Variants in TRPS1 observed in about 807,000 individuals in gnomAD.
The protein encoded by TRPS1 is transcriptional repressor GATA binding 1, also known as zinc finger transcription factor Trps1.
A neutral mutation model predicts 101.2 loss-of-function variants in TRPS1; 6 were observed. The ratio of observed to expected loss-of-function variants is 0.06; its 90% CI spans 0.03 to 0.12. The LOEUF (loss-of-function observed/expected upper bound fraction) is 0.12. Ranked by LOEUF, TRPS1 falls within the 10% of genes least tolerant of loss-of-function variation. The probability of loss-of-function intolerance (pLI) is 1.00; values close to 1 mark genes in which losing one functional copy is unlikely to be tolerated. For synonymous variants in TRPS1, 578 were observed against 589.8 expected (o/e 0.98, Z 0.29); for missense variants, 1,363 against 1,567.0 (o/e 0.87, Z 2.20).
chr8:115,537,108 T>G (rs193175842), intron 5 of TRPS1, among the ~76,000 whole-genome samples: 171 of 152,218 alleles, frequency 1.1e-3, no homozygotes, highest in African/African-American at 3.9e-3. Context: ...TTGCTTTAAA[T>G]TTTTTATTAG....
rs545100840 is a variant in TRPS1 at position 115,502,443 on chromosome 8, G to C, written c.2701-83991C>G. On this transcript the variant is annotated intron_variant, in intron 5 of 6. Coordinates refer to ENST00000395715, the MANE Select transcript of TRPS1 (RefSeq NM_014112.5). ...TGATGCAGGATCCAGGCAAACATAG[G>C]GTTATGAAAAGAGAAGCTACCAGTA... Among the ~76,000 whole-genome samples, 239 of 152,180 alleles carry C rather than the reference G, an allele frequency of 1.6e-3. 2 individuals carry two copies. The highest frequency in any genetic ancestry group is 2.7e-3 in the Non-Finnish European group (183 of 68,012).
intron 5 of TRPS1, among the ~76,000 whole-genome samples, chr8:115,567,093 G>A (rs1817086277): frequency 6.6e-6 from 1 of 151,880 alleles, no homozygotes; most frequent in African/African-American, 2.4e-5. Flanking sequence ...TTACACCATA[G>A]AGAGGAAAGT....
chr8:115,424,846 T>C (rs546835922), intron 5 of TRPS1, among the ~76,000 whole-genome samples: 1 of 152,354 alleles, frequency 6.6e-6, no homozygotes, highest in East Asian at 1.9e-4. Context: ...CTGTCAGATA[T>C]GTAGTTGATA....
intron 5 of TRPS1, among the ~76,000 whole-genome samples, chr8:115,424,512 T>G (rs1473638494): frequency 6.6e-6 from 1 of 152,196 alleles, no homozygotes; most frequent in African/African-American, 2.4e-5. Context: ...CAGTGGAATC[T>G]TCTAAAAACA....
At position 115,412,490 on chromosome 8, in the gene TRPS1, A is replaced by G. The variant is rs941480812; in HGVS notation, c.*1533T>C. On this transcript the variant is annotated 3_prime_UTR_variant, in exon 7 of 7. Coordinates refer to ENST00000395715, the MANE Select transcript of TRPS1 (RefSeq NM_014112.5). ...ACACTGTAGAAAATAATTATTCAAT[A>G]TGTCAGGCACCATTATTTGAAATGT... 1 of 152,592 alleles carries G rather than the reference A, an allele frequency of 6.6e-6. No homozygotes were observed. Among genetic ancestry groups the G allele is most frequent in the Non-Finnish European group, 1.5e-5 (1 of 68,002 alleles). 9.5% of individuals were successfully genotyped at this position (152,592 alleles called of 1,614,324 possible). A position where few individuals can be genotyped will look rare whatever the true frequency, so the allele number is the denominator to read the frequency against.
At chr8:115,436,154 A>G (rs965450805) in intron 5 of TRPS1, among the ~76,000 whole-genome samples, 1 of 152,022 alleles carries the variant, frequency 6.6e-6, no homozygotes, top group Non-Finnish European at 1.5e-5. Context: ...AGAAAATACA[A>G]CTCACATTGT....
chr8:115,614,034 C>A (rs937021690), intron 3 of TRPS1, among the ~76,000 whole-genome samples: 2 of 152,152 alleles, frequency 1.3e-5, no homozygotes, highest in African/African-American at 4.8e-5. Context: ...TCAGACTCTA[C>A]AAAGGAAATC....
rs762205938 is a variant in TRPS1, at chr8:115,619,960, C to T, written c.138G>A (p.Lys46=). 3 of 1,614,050 alleles carry T rather than the reference C, an allele frequency of 1.9e-6. No homozygotes were observed. Among genetic ancestry groups the T allele is most frequent in the Non-Finnish European group, 2.5e-6 (3 of 1,180,042 alleles). The change falls in exon 3 of 7, where the codon AAG becomes AAA. Residue 46 remains lysine, a synonymous_variant. Coordinates refer to ENST00000395715, the MANE Select transcript of TRPS1 (RefSeq NM_014112.5). ...TCTGATCTGCAGAAAATTCTTTGTT[C>T]TTTCCAGATACCTTGCTTTCTGTAC... ...PIGTESKVSG[K]NKEFSADQMS... is the part of the protein sequence containing the mutation.
chr8:115,553,418 T>C (rs1039323864), intron 5 of TRPS1, among the ~76,000 whole-genome samples: 1 of 152,126 alleles, frequency 6.6e-6, no homozygotes, highest in Non-Finnish European at 1.5e-5. Context: ...TAGGTATATG[T>C]AAATCCTTCA....
chr8:115,624,367 C>T (rs1276431086), intron 1 of TRPS1, among the ~76,000 whole-genome samples: 1 of 151,884 alleles, frequency 6.6e-6, no homozygotes, highest in African/African-American at 2.4e-5. Flanking sequence ...CTCAAAATTG[C>T]TATTTTAAGT....
intron 5 of TRPS1, among the ~76,000 whole-genome samples, chr8:115,570,033 C>T (rs1017552246): frequency 3.9e-5 from 6 of 151,938 alleles, no homozygotes; most frequent in African/African-American, 1.5e-4. Flanking sequence ...CTCTAGATTC[C>T]TGTGTCACAA....
Position 115,509,696 on chromosome 8 carries a change from C to G in TRPS1, c.2700+77305G>C, listed in dbSNP as rs188459458. Reference sequence around the variant, plus strand: ...AGAGTTACAGAAAACAAATAAGGAACCCATTGACGTCCTAGTAGGCTGAGC... The same window carrying G: ...AGAGTTACAGAAAACAAATAAGGAAGCCATTGACGTCCTAGTAGGCTGAGC... On this transcript the variant is annotated intron_variant, in intron 5 of 6. Coordinates refer to ENST00000395715, the MANE Select transcript of TRPS1 (RefSeq NM_014112.5). 1.9e-3 allele frequency: 295 copies of G among 152,094 alleles called. 1 individual carries two copies. The highest frequency in any genetic ancestry group is 6.8e-3 in the African/African-American group (284 of 41,528). 9.4% of individuals were successfully genotyped at this position (152,094 alleles called of 1,614,324 possible). A position where few individuals can be genotyped will look rare whatever the true frequency, so the allele number is the denominator to read the frequency against.
At chr8:115,560,314 T>C (rs1383295580) in intron 5 of TRPS1, among the ~76,000 whole-genome samples, 3 of 152,098 alleles carry the variant, frequency 2.0e-5, no homozygotes, top group Admixed American at 6.6e-5. Flanking sequence ...AAAAATTTTA[T>C]TTAGAGTCCT....
chr8:115,645,823 T>C (rs1040017321), intron 1 of TRPS1, among the ~76,000 whole-genome samples: 1 of 152,144 alleles, frequency 6.6e-6, no homozygotes, highest in Non-Finnish European at 1.5e-5. Flanking sequence ...ATTTAGACCT[T>C]GAACTCGGCA....
intron 5 of TRPS1, among the ~76,000 whole-genome samples, chr8:115,570,095 T>C (rs1817165356): frequency 6.6e-6 from 1 of 151,958 alleles, no homozygotes; most frequent in Admixed American, 6.6e-5. Flanking sequence ...AAAAGGGATA[T>C]ATATAGATAT....
chr8:115,476,005 CTTTTTTTTTTTTT>C lies in TRPS1; in HGVS notation c.2701-57566_2701-57554del, dbSNP rs1169514340. Among the ~76,000 whole-genome samples the C allele has an allele frequency of 2.7e-4, 11 of 40,712 alleles. 2 individuals carry two copies. Among genetic ancestry groups the C allele is most frequent in the Non-Finnish European group, 4.2e-4 (11 of 26,402 alleles). 26.7% of individuals were successfully genotyped at this position (40,712 alleles called of 152,430 possible). ...AAGAGGTGTTCAGAAAATATACTTT[CTTTTTTTTTTTTT>C]TTTTTTTTTTTTTTTTTTGAGACGG... On this transcript the variant is annotated intron_variant, in intron 5 of 6. Coordinates refer to ENST00000395715, the MANE Select transcript of TRPS1 (RefSeq NM_014112.5).
intron 1 of TRPS1, among the ~76,000 whole-genome samples, chr8:115,628,083 ATGTG>A (rs1306636989): frequency 2.6e-5 from 4 of 151,832 alleles, no homozygotes; most frequent in Non-Finnish European, 5.9e-5. Context: ...GTGCATGTGC[ATGTG>A]TGTGTATCTC....
chr8:115,639,886 C>T (rs1818856024), intron 1 of TRPS1, among the ~76,000 whole-genome samples: 1 of 152,046 alleles, frequency 6.6e-6, no homozygotes, highest in African/African-American at 2.4e-5. Context: ...CAGTCGCCTG[C>T]CTATGTCACT....
At chr8:115,510,454 T>A (rs139433594) in intron 5 of TRPS1, among the ~76,000 whole-genome samples, 1 of 152,080 alleles carries the variant, frequency 6.6e-6, no homozygotes, top group African/African-American at 2.4e-5. Context: ...ACTATTAATC[T>A]GTTCTTCCTA....
Sources: allele counts gnomAD v4.1 joint callset (sites outside exome capture counted in the v4.1 genomes callset), GRCh38; gene constraint gnomAD v4.1.1; transcripts MANE v1.5; gene names NCBI Gene and HGNC (gene_info 2026-07-23, HGNC 2026-07-21).